Variants in NLRP5 observed in about 807,000 individuals in gnomAD.
NLRP5 encodes NACHT, LRR and PYD domains-containing protein 5.
A neutral mutation model predicts 113.1 loss-of-function variants in NLRP5; 93 were observed. The ratio of observed to expected loss-of-function variants is 0.82; its 90% CI spans 0.70 to 0.98. The LOEUF is 0.98. Among genes scored for constraint, NLRP5 ranks in the 50% least tolerant of loss-of-function variants. The probability of loss-of-function intolerance (pLI) is 0.00; values close to 1 mark genes in which losing one functional copy is unlikely to be tolerated. For missense variants in NLRP5, 1,808 were observed against 1,514.3 expected (o/e 1.19, Z -3.22); for synonymous variants, 751 against 600.7 (o/e 1.25, Z -3.66).
chr19:55,987,931 C>G, the NLRP5 span: 1 of 1,574,006 alleles, frequency 6.4e-7, no homozygotes, highest in South Asian at 1.1e-5. Context: ...AGTCATCTTT[C>G]TCTGGGGCTT....
chr19:56,014,612 A>C (rs757391617), intron 3 of NLRP5, among the ~76,000 whole-genome samples: 5 of 152,186 alleles, frequency 3.3e-5, no homozygotes, highest in Non-Finnish European at 5.9e-5. Flanking sequence ...TGTATATAGC[A>C]TGAAGTAGAG....
chr19:56,032,085 C>T (rs1776647111), intron 7 of NLRP5, among the ~76,000 whole-genome samples: 1 of 152,122 alleles, frequency 6.6e-6, no homozygotes, highest in Non-Finnish European at 1.5e-5. Flanking sequence ...TGGCTCACAC[C>T]TGTAATCCCA....
intron 9 of NLRP5, among the ~76,000 whole-genome samples, chr19:56,034,039 G>A (rs554743413): frequency 2.6e-5 from 4 of 152,288 alleles, no homozygotes; most frequent in Admixed American, 1.3e-4. Flanking sequence ...CAGAGCACTG[G>A]GATTATAGGC....
Position 56,033,565 on chromosome 19 carries a change from CT to C in NLRP5, c.2472del (p.Gly825ValfsTer15). On this transcript the variant is annotated frameshift_variant, in exon 9 of 15. Coordinates refer to ENST00000390649, the MANE Select transcript of NLRP5 (RefSeq NM_153447.4). LOFTEE classifies it high-confidence loss of function. ...AGGTTTAGAAATGCACAGATTACCC[CT>C]GGTGTGCAGCACCTCTGGAGAATCG... 1.2e-6 allele frequency: 2 copies of C among 1,613,706 alleles called. No individual in the cohort carries two copies. The highest frequency in any genetic ancestry group is 2.2e-5 in the East Asian group (1 of 44,862).
At chr19:56,044,213 G>A (rs193187958) in intron 11 of NLRP5, among the ~76,000 whole-genome samples, 10 of 151,968 alleles carry the variant, frequency 6.6e-5, no homozygotes, top group South Asian at 2.1e-4. Flanking sequence ...ACAGGCACCC[G>A]CCACCATGCC....
chr19:56,007,832 T>G (rs1214118083), intron 2 of NLRP5, among the ~76,000 whole-genome samples: 2 of 150,082 alleles, frequency 1.3e-5, no homozygotes, highest in African/African-American at 5.0e-5. Context: ...CAGAAAGAAG[T>G]AGAAATGGAA....
chr19:56,005,107 A>AAAATATAT (rs1173746273), intron 2 of NLRP5, among the ~76,000 whole-genome samples: 6 of 95,324 alleles, frequency 6.3e-5, no homozygotes, highest in African/African-American at 1.9e-4. Flanking sequence ...AAAAAAAAAA[A>AAAATATAT]ATATATATAT....
chr19:56,015,764 A>G lies in NLRP5; in HGVS notation c.531A>G (p.Gln177=). Residue 177 remains glutamine, a synonymous_variant, in exon 4 of 15, where the codon CAA becomes CAG. Transcript: ENST00000390649. ...CAGGAATTTCACAAGCTGTGCAACA[A>G]GATAGTGCCACAGCTGCAGAGACAA... is the stretch of plus-strand genomic sequence containing the variant. The G allele has an allele frequency of 6.4e-7, 1 of 1,573,222 alleles. No homozygotes were observed.
At chr19:56,060,195 G>A (rs1984300032) in intron 14 of NLRP5, among the ~76,000 whole-genome samples, 1 of 152,204 alleles carries the variant, frequency 6.6e-6, no homozygotes. Context: ...AGTAGTTGAA[G>A]TAGGATAGAA....
intron 3 of NLRP5, among the ~76,000 whole-genome samples, chr19:56,013,617 T>TTTTTTTTTTTTTTTTTTTTTTTTTG (rs1982296042): frequency 7.0e-6 from 1 of 143,692 alleles, no homozygotes; most frequent in Non-Finnish European, 1.5e-5. Flanking sequence ...TTTTTTTTTT[T>TTTTTTTTTTTTTTTTTTTTTTTTTG]GCTATTATGA....
intron 6 of NLRP5, among the ~76,000 whole-genome samples, chr19:56,021,734 CT>C (rs1261911248): frequency 6.6e-6 from 1 of 152,174 alleles, no homozygotes; most frequent in Non-Finnish European, 1.5e-5. Context: ...GGGAATTTGG[CT>C]TTTTTCTCAC....
chr19:56,009,928 T>C (rs137876684), intron 3 of NLRP5, among the ~76,000 whole-genome samples: 3,082 of 152,306 alleles, frequency 0.02, 55 homozygotes, highest in Non-Finnish European at 0.033. Flanking sequence ...TGCTCAGAGT[T>C]TGATGTCAAT....
At chr19:56,055,626 A>G (rs1279917450) in intron 13 of NLRP5, among the ~76,000 whole-genome samples, 1 of 141,136 alleles carries the variant, frequency 7.1e-6, no homozygotes, top group Non-Finnish European at 1.5e-5. Flanking sequence ...GCTCACTGCA[A>G]GCTCCGCCTC....
chr19:55,999,972 AG>A (rs1049234989), intron 1 of NLRP5, among the ~76,000 whole-genome samples: 6 of 151,978 alleles, frequency 3.9e-5, no homozygotes, highest in Non-Finnish European at 8.8e-5. Flanking sequence ...TTACTTCTCC[AG>A]GGAGGTGGTC....
intron 9 of NLRP5, among the ~76,000 whole-genome samples, chr19:56,035,947 G>A (rs552924514): frequency 6.6e-6 from 1 of 151,962 alleles, no homozygotes; most frequent in South Asian, 2.1e-4. Flanking sequence ...ATGTTCCAGG[G>A]ATGTGCTGAT....
intron 3 of NLRP5, among the ~76,000 whole-genome samples, chr19:56,011,746 T>A (rs997878216): frequency 2.0e-5 from 3 of 151,282 alleles, no homozygotes; most frequent in Admixed American, 6.6e-5. Flanking sequence ...CAGGCTGGAG[T>A]GCAATGGCTT....
At chr19:55,999,879 C>A in intron 1 of NLRP5, 2 of 897,546 alleles carry the variant, frequency 2.2e-6, no homozygotes, top group South Asian at 2.6e-5. Flanking sequence ...TCGCTGCTGT[C>A]TGCTGCAATG....
chr19:56,006,758 G>C (rs1316763512), intron 2 of NLRP5, among the ~76,000 whole-genome samples: 1 of 150,474 alleles, frequency 6.6e-6, no homozygotes, highest in Non-Finnish European at 1.5e-5. Flanking sequence ...TTTTGTTTTT[G>C]AGACGGAGTC....
At chr19:56,018,423 G>T (rs1473376574) in intron 4 of NLRP5, among the ~76,000 whole-genome samples, 1 of 152,086 alleles carries the variant, frequency 6.6e-6, no homozygotes, top group African/African-American at 2.4e-5. Flanking sequence ...TATGCCAGAG[G>T]CTGTGTTATT....
Sources: gnomAD v4.1 joint callset for allele counts (sites outside exome capture counted in the v4.1 genomes callset) on GRCh38, gnomAD v4.1.1 for gene constraint, MANE v1.5 for transcripts, NCBI Gene and HGNC (gene_info 2026-07-23, HGNC 2026-07-21) for gene names.